The following ZNF333 variants were observed in gnomAD, a reference collection of about 807,000 sequenced individuals.
ZNF333 encodes zinc finger protein 333.
A neutral mutation model predicts 76.1 loss-of-function variants in ZNF333; 61 were observed. The observed-to-expected ratio is 0.80, with a 90% confidence interval of 0.65 to 0.99. ZNF333 has a LOEUF of 0.99. Ranked by LOEUF, ZNF333 falls within the 50% of genes least tolerant of loss-of-function variation. ZNF333 has a pLI of 0.00. For synonymous variants in ZNF333, 284 were observed against 305.0 expected, an observed-to-expected ratio of 0.93 and a Z score of 0.72; for missense variants, 717 against 822.4, an observed-to-expected ratio of 0.87 and a Z score of 1.57.
chr19:14,692,347 ACATTC>A (rs1208129636), intron 1 of ZNF333, among the ~76,000 whole-genome samples: 1 of 152,138 alleles, frequency 6.6e-6, no homozygotes, highest in African/African-American at 2.4e-5. Context: ...ACTTGAGAGA[ACATTC>A]CAGATGTACA....
At chr19:14,697,562 T>C (rs1228700937) in intron 4 of ZNF333, among the ~76,000 whole-genome samples, 2 of 152,042 alleles carry the variant, frequency 1.3e-5, no homozygotes, top group African/African-American at 2.4e-5. Context: ...ATTCTTCCTA[T>C]GTTGCCCAGG....
chr19:14,699,148 T>C (rs1251373083), intron 4 of ZNF333, 51 bp from the exon 5 acceptor site: 2 of 1,343,984 alleles, frequency 1.5e-6, no homozygotes, highest in Admixed American at 1.7e-5. Flanking sequence ...TTTCAATTAA[T>C]GTCACTATTT....
chr19:14,719,129 A>G lies in ZNF333; in HGVS notation c.1802A>G (p.Gln601Arg), dbSNP rs2042529852. ...ACQECGRAFG[Q>R]SSHLIVHVRT... ...CAGGAATGCGGGCGAGCCTTTGGTC[A>G]GTCTTCACATCTTATTGTACATGTG... The change falls in exon 12 of 12, where the codon CAG becomes CGG. Residue 601 changes from glutamine (Q) to arginine (R), a missense_variant. Gln to Arg is a conservative substitution (Grantham distance 43). Transcript: ENST00000292530. 6.2e-7 allele frequency: 1 copy of G among 1,614,110 alleles called. No homozygotes were observed. Among genetic ancestry groups the G allele is most frequent in the Middle Eastern group, 1.6e-4 (1 of 6,084 alleles).
In ZNF333 at chr19:14,699,288, T is replaced by C. The variant is rs1294338539; in HGVS notation, c.306+7T>C. On this transcript the variant is annotated splice_region_variant and intron_variant, in intron 5 of 11. Coordinates refer to ENST00000292530, the MANE Select transcript of ZNF333 (RefSeq NM_032433.4). Reference sequence around the variant, plus strand: ...CTCCAGGGACATGCAAATGGTAAGATGCACGGGGTTTTCCCCGGCTCCCAG... The same window carrying C: ...CTCCAGGGACATGCAAATGGTAAGACGCACGGGGTTTTCCCCGGCTCCCAG... The C allele has an allele frequency of 6.2e-7, 1 of 1,613,162 alleles. No homozygotes were observed. Among genetic ancestry groups the C allele is most frequent in the African/African-American group, 1.3e-5 (1 of 74,882 alleles).
Position 14,705,120 on chromosome 19 carries a change from C to T in ZNF333, c.373C>T (p.Arg125Ter), listed in dbSNP as rs762853425. The change falls in exon 6 of 12, where the codon CGA becomes TGA. Residue 125 changes from arginine (R) to a stop codon, truncating the protein, a stop_gained. Transcript: ENST00000292530. LOFTEE classifies it high-confidence loss of function. ...SIEERETPLT[R>*]EDRPALQEPP... Reference sequence around the variant, plus strand: ...AGAAGAGAGGGAGACACCATTGACTCGAGAGGACCGGCCAGCTCTCCAGGA... The same window carrying T: ...AGAAGAGAGGGAGACACCATTGACTTGAGAGGACCGGCCAGCTCTCCAGGA... 44 of 1,613,824 alleles carry T rather than the reference C, an allele frequency of 2.7e-5. No homozygotes were observed. In the East Asian group the frequency reaches 5.3e-4, roughly 20 times the overall value.
In ZNF333 at chr19:14,718,871, T is replaced by C; in HGVS notation, c.1544T>C (p.Phe515Ser). ...GAATGCAACCAGTGTGGCAAGCCCT[T>C]CCGGACGAGCACTCATCTGAACGTG... is the stretch of plus-strand genomic sequence containing the variant. The part of the protein sequence containing the change: ...PYECNQCGKP[F>S]RTSTHLNVHK... The change falls in exon 12 of 12, where the codon TTC (phenylalanine) becomes TCC (serine). Residue 515 changes from phenylalanine to serine, a missense_variant. Coordinates refer to ENST00000292530, the MANE Select transcript of ZNF333 (RefSeq NM_032433.4). 6.2e-7 allele frequency: 1 copy of C among 1,614,116 alleles called. No individual in the cohort carries two copies. The highest frequency in any genetic ancestry group is 2.2e-5 in the East Asian group (1 of 44,890).
intron 7 of ZNF333, among the ~76,000 whole-genome samples, chr19:14,711,838 A>G (rs1305290704): frequency 6.6e-6 from 1 of 152,122 alleles, no homozygotes; most frequent in African/African-American, 2.4e-5. Flanking sequence ...GATGACAGAA[A>G]AGAAACACTC....
chr19:14,726,436 C>T (rs1169156679), downstream of ZNF333, among the ~76,000 whole-genome samples: 1 of 152,180 alleles, frequency 6.6e-6, no homozygotes. Flanking sequence ...CTGCAGCCCT[C>T]TTAAATTCTT....
intron 6 of ZNF333, 80 bp from the exon 7 acceptor site, chr19:14,706,606 A>T (rs986921527): frequency 2.0e-5 from 21 of 1,040,128 alleles, no homozygotes; most frequent in Non-Finnish European, 3.0e-5. Context: ...TCAAATATGC[A>T]CGTTCATTTG....
chr19:14,726,836 A>G (rs1020686134), downstream of ZNF333, among the ~76,000 whole-genome samples: 1 of 152,092 alleles, frequency 6.6e-6, no homozygotes, highest in Non-Finnish European at 1.5e-5. Flanking sequence ...CCCTTTAACC[A>G]GTCTCCAAGA....
chr19:14,717,475 C>A, intron 10 of ZNF333, 182 bp from the exon 11 acceptor site: 1 of 594,510 alleles, frequency 1.7e-6, no homozygotes, highest in South Asian at 2.1e-5. Flanking sequence ...CTCATCTAGC[C>A]ACACACCTTA....
chr19:14,690,863 C>G (rs1050231149), intron 1 of ZNF333, among the ~76,000 whole-genome samples: 1 of 152,118 alleles, frequency 6.6e-6, no homozygotes, highest in African/African-American at 2.4e-5. Flanking sequence ...GAGGCCGAGG[C>G]GGGTGGATCA....
chr19:14,695,744 G>T (rs887643752), intron 4 of ZNF333, 83 bp downstream of exon 4: 3 of 1,240,812 alleles, frequency 2.4e-6, no homozygotes, highest in African/African-American at 1.5e-5. Context: ...ATTTTCAAAG[G>T]CCCTTTGTTC....
intron 7 of ZNF333, among the ~76,000 whole-genome samples, chr19:14,712,391 T>C (rs961251533): frequency 2.0e-5 from 3 of 152,044 alleles, no homozygotes; most frequent in Admixed American, 6.6e-5. Flanking sequence ...AGCTAATTTT[T>C]GTATTTTTAG....
intron 5 of ZNF333, among the ~76,000 whole-genome samples, chr19:14,704,218 G>GT (rs1479142678): frequency 2.0e-5 from 3 of 152,284 alleles, no homozygotes; most frequent in Admixed American, 6.5e-5. Flanking sequence ...ACCCTCGGTG[G>GT]TAGCTGGTGA....
Position 14,718,555 on chromosome 19 carries a change from C to T in ZNF333, c.1228C>T (p.Arg410Trp), listed in dbSNP as rs113606036. 430 of 1,614,040 alleles carry T rather than the reference C, an allele frequency of 2.7e-4. 1 individual carries two copies. The highest frequency in any genetic ancestry group is 1.9e-3 in the African/African-American group (143 of 75,008). The change falls in exon 12 of 12, where the codon CGG (arginine) becomes TGG (tryptophan). Residue 410 changes from arginine (R) to tryptophan (W), a missense_variant. Transcript: ENST00000292530. ...AGCCTTCAAATATTCCTCGAATCTC[C>T]GGCGACACATGAGAACCCATACCGG... ...GQAFKYSSNL[R>W]RHMRTHTGEK...
At chr19:14,703,150 A>G (rs1471925811) in intron 5 of ZNF333, among the ~76,000 whole-genome samples, 1 of 147,428 alleles carries the variant, frequency 6.8e-6, no homozygotes, top group African/African-American at 2.5e-5. Context: ...GCTTGCAGTG[A>G]GCCGAGATCG....
rs1366395643 is a variant in ZNF333 at position 14,719,445 on chromosome 19, C to T, written c.*120C>T. 2 of 1,212,932 alleles carry T rather than the reference C, an allele frequency of 1.6e-6. No individual in the cohort carries two copies. Among genetic ancestry groups the T allele is most frequent in the Non-Finnish European group, 2.2e-6 (2 of 898,176 alleles). The allele number at this position is 1,212,932 out of a possible 1,614,324, so 75.1% of individuals were successfully genotyped here. ...ATTTTGGTTTAATTGTAAGTATTGT[C>T]TTAACCTCCATTATCGTTTATTCTT... On this transcript the variant is annotated 3_prime_UTR_variant, in exon 12 of 12. Transcript: ENST00000292530.
chr19:14,696,951 C>A (rs989269063), intron 4 of ZNF333, among the ~76,000 whole-genome samples: 2 of 152,066 alleles, frequency 1.3e-5, no homozygotes, highest in Non-Finnish European at 2.9e-5. Flanking sequence ...GTTGGTCAGG[C>A]TGGTCGAGAA....
Sources: allele counts gnomAD v4.1 joint callset (sites outside exome capture counted in the v4.1 genomes callset), GRCh38; gene constraint gnomAD v4.1.1; transcripts MANE v1.5; gene names NCBI Gene and HGNC (gene_info 2026-07-23, HGNC 2026-07-21).